The following TMEM267 variants were observed in gnomAD, a reference collection of about 807,000 sequenced individuals.
TMEM267 encodes transmembrane protein C5orf28.
In TMEM267, 20 loss-of-function variants were observed where a neutral mutation model predicts 19.3. The ratio of observed to expected loss-of-function variants is 1.04; its 90% CI spans 0.73 to 1.51. The LOEUF (loss-of-function observed/expected upper bound fraction) is 1.51. Ranked by LOEUF, TMEM267 falls within the 40% of genes most tolerant of loss-of-function variation. The pLI, the probability that TMEM267 is intolerant of heterozygous loss-of-function variation, is 0.00. For missense variants in TMEM267, 242 were observed against 261.9 expected (o/e 0.92, Z 0.52); for synonymous variants, 88 against 90.3 (o/e 0.97, Z 0.15).
At chr5:43,482,448 C>T (rs1356979299) in intron 1 of TMEM267, among the ~76,000 whole-genome samples, 1 of 152,170 alleles carries the variant, frequency 6.6e-6, no homozygotes, top group Non-Finnish European at 1.5e-5. Context: ...TCCTATTCCT[C>T]CCCCTACAAA....
At chr5:43,450,343 T>C (rs1374419685) in intron 2 of TMEM267, among the ~76,000 whole-genome samples, 1 of 152,184 alleles carries the variant, frequency 6.6e-6, no homozygotes, top group Non-Finnish European at 1.5e-5. Flanking sequence ...AAAATGGAAT[T>C]ATCATAGAAT....
intron 2 of TMEM267, 120 bp from the exon 3 acceptor site, chr5:43,446,677 T>C (rs1404648861): frequency 3.5e-6 from 2 of 574,782 alleles, no homozygotes; most frequent in African/African-American, 1.9e-5. Context: ...AGAAACATGT[T>C]CTATGCCACT....
rs374414144 is a variant in TMEM267 at position 43,480,666 on chromosome 5, A to G, written c.-75+3156T>C. 8.6e-5 allele frequency among the ~76,000 whole-genome samples: 13 copies of G among 152,012 alleles called. No homozygotes were observed. In the East Asian group the frequency reaches 2.3e-3, roughly 27 times the overall value. On this transcript the variant is annotated intron_variant, in intron 1 of 2. Transcript: ENST00000397080. ...CAACCCTCATTCCAGAAGGAAGACA[A>G]AAATAAAAAGCCAATATCCACTTAA...
At chr5:43,453,316 A>C (rs1467175675) in intron 2 of TMEM267, among the ~76,000 whole-genome samples, 2 of 152,254 alleles carry the variant, frequency 1.3e-5, no homozygotes, top group Non-Finnish European at 2.9e-5. Flanking sequence ...AGAAAGAACT[A>C]GGACAGCCTT....
chr5:43,446,162 G>T lies in TMEM267; in HGVS notation c.*60C>A. The T allele has an allele frequency of 9.7e-7, 1 of 1,028,394 alleles. No homozygotes were observed. The highest frequency in any genetic ancestry group is 1.4e-6 in the Non-Finnish European group (1 of 693,796). The allele number at this position is 1,028,394 out of a possible 1,614,324, so 63.7% of individuals were successfully genotyped here. A position where few individuals can be genotyped will look rare whatever the true frequency, so the allele number is the denominator to read the frequency against. On this transcript the variant is annotated 3_prime_UTR_variant, in exon 3 of 3. Transcript: ENST00000397080. The stretch of plus-strand genomic sequence containing the variant: ...TGTATTTTTAAAAATTAACTTTAAT[G>T]TTGGCTACTCTTAATTATCATCATC...
chr5:43,458,083 A>T (rs768068516), intron 1 of TMEM267, among the ~76,000 whole-genome samples: 13 of 151,760 alleles, frequency 8.6e-5, no homozygotes, highest in Non-Finnish European at 1.9e-4. Context: ...ATTTCTATTT[A>T]TTTAATTTAA....
chr5:43,483,088 TTAATA>T (rs1484479535), intron 1 of TMEM267, among the ~76,000 whole-genome samples: 1 of 152,212 alleles, frequency 6.6e-6, no homozygotes, highest in Admixed American at 6.5e-5. Flanking sequence ...TGCTGTAAAC[TTAATA>T]TATTTAATTT....
intron 1 of TMEM267, among the ~76,000 whole-genome samples, chr5:43,458,374 T>C (rs1467312122): frequency 6.6e-6 from 1 of 152,222 alleles, no homozygotes; most frequent in Non-Finnish European, 1.5e-5. Context: ...AGTGCTGGGA[T>C]TACAGGCGTG....
In TMEM267 at chr5:43,453,786, T is replaced by C; in HGVS notation, c.184A>G (p.Met62Val). ...CCAGTGACTACCGCCCATGACCACA[T>C]GCCAATTACACAATGTACTGCATTA... Reference protein sequence around the residue: ...SDNAVHCVIGMWSWAVVTGIK... With the variant: ...SDNAVHCVIGVWSWAVVTGIK... Residue 62 changes from methionine (M) to valine (V), a missense_variant, in exon 2 of 3, where the codon ATG becomes GTG. By Grantham distance (21) the Met-to-Val change is conservative (BLOSUM62 1). Coordinates refer to ENST00000397080, the MANE Select transcript of TMEM267 (RefSeq NM_022483.5). 2 of 1,614,142 alleles carry C rather than the reference T, an allele frequency of 1.2e-6. No homozygotes were observed. Among genetic ancestry groups the C allele is most frequent in the South Asian group, 2.2e-5 (2 of 91,080 alleles).
chr5:43,468,059 C>G (rs918630432), intron 1 of TMEM267, among the ~76,000 whole-genome samples: 1 of 139,904 alleles, frequency 7.1e-6, no homozygotes, highest in Non-Finnish European at 1.5e-5. Flanking sequence ...AGCTAATGCT[C>G]AAAATTCTCT....
At position 43,453,748 on chromosome 5, in the gene TMEM267, C is replaced by G; in HGVS notation, c.222G>C (p.Lys74Asn). 2 of 1,614,062 alleles carry G rather than the reference C, an allele frequency of 1.2e-6. No individual in the cohort carries two copies. The highest frequency in any genetic ancestry group is 1.7e-6 in the Non-Finnish European group (2 of 1,179,950). ...SWAVVTGIKK[K>N]TDFGEIILAG... ...CTAAAATGATTTCTCCAAAGTCAGT[C>G]TTCTTCTTGATTCCAGTGACTACCG... Residue 74 changes from lysine to asparagine, a missense_variant, in exon 2 of 3, where the codon AAG becomes AAC. By Grantham distance (94) the Lys-to-Asn change is moderately conservative (BLOSUM62 0). Coordinates refer to ENST00000397080, the MANE Select transcript of TMEM267 (RefSeq NM_022483.5).
At chr5:43,448,447 A>G (rs1014740325) in intron 2 of TMEM267, among the ~76,000 whole-genome samples, 3 of 152,230 alleles carry the variant, frequency 2.0e-5, no homozygotes, top group Admixed American at 6.5e-5. Context: ...GAACAAATCT[A>G]TAAAAAGCTA....
At chr5:43,481,082 G>A (rs574976923) in intron 1 of TMEM267, among the ~76,000 whole-genome samples, 12 of 150,112 alleles carry the variant, frequency 8.0e-5, no homozygotes, top group African/African-American at 1.5e-4. Context: ...AGGATTACAG[G>A]CGTGAGCCAC....
At chr5:43,483,370 C>T (rs1193955168) in intron 1 of TMEM267, among the ~76,000 whole-genome samples, 1 of 152,198 alleles carries the variant, frequency 6.6e-6, no homozygotes, top group Non-Finnish European at 1.5e-5. Context: ...GGCCAGGCTG[C>T]AGGGAAAGGA....
At chr5:43,462,746 AG>A (rs1326920763) in intron 1 of TMEM267, among the ~76,000 whole-genome samples, 23 of 152,260 alleles carry the variant, frequency 1.5e-4, no homozygotes, top group African/African-American at 5.3e-4. Context: ...AGGAGACAAA[AG>A]GAAAAAGAAT....
chr5:43,457,146 A>G (rs1041027711), intron 1 of TMEM267, among the ~76,000 whole-genome samples: 2 of 152,246 alleles, frequency 1.3e-5, no homozygotes, highest in African/African-American at 4.8e-5. Context: ...TGTGCGACAT[A>G]AAGGATGAAC....
At chr5:43,475,343 G>T (rs1360729876) in intron 1 of TMEM267, among the ~76,000 whole-genome samples, 2 of 151,452 alleles carry the variant, frequency 1.3e-5, no homozygotes, top group Non-Finnish European at 1.5e-5. Flanking sequence ...CACAGAGAGG[G>T]TACACAGGGA....
At chr5:43,454,426 A>G (rs1235077979) in intron 1 of TMEM267, 1 of 153,740 alleles carries the variant, frequency 6.5e-6, no homozygotes, top group African/African-American at 2.4e-5. Context: ...CTTTGGGAAA[A>G]CTTTCTCACA....
At chr5:43,468,210 C>G (rs1743861782) in intron 1 of TMEM267, among the ~76,000 whole-genome samples, 1 of 152,158 alleles carries the variant, frequency 6.6e-6, no homozygotes, top group African/African-American at 2.4e-5. Context: ...GGAAAGTAAA[C>G]AGTTCCAGGT....
Sources: allele counts gnomAD v4.1 joint callset (sites outside exome capture counted in the v4.1 genomes callset), GRCh38; gene constraint gnomAD v4.1.1; transcripts MANE v1.5; gene names NCBI Gene and HGNC (gene_info 2026-07-23, HGNC 2026-07-21).